WDR73: variants seen among roughly 807,000 people sequenced by gnomAD.
WDR73 encodes WD repeat domain 73.
WDR73 carries 30 observed loss-of-function variants against 38.2 expected under a neutral mutation model. The observed-to-expected ratio is 0.79, with a 90% CI of 0.59 to 1.06. The LOEUF (loss-of-function observed/expected upper bound fraction) is 1.06, where lower values mean the gene tolerates loss of function less well. Ranked by LOEUF, WDR73 falls within the 50% of genes least tolerant of loss-of-function variation. WDR73 has a pLI of 0.00. For synonymous variants in WDR73, 197 were observed against 176.0 expected, an observed-to-expected ratio of 1.12 and a Z score of -0.94; for missense variants, 487 against 467.0, an observed-to-expected ratio of 1.04 and a Z score of -0.40.
intron 5 of WDR73, chr15:84,647,504 T>A (rs1028634076): frequency 1.3e-4 from 24 of 186,860 alleles, no homozygotes; most frequent in Admixed American, 5.6e-4. Context: ...TACTACTACT[T>A]TTTTTTTTGG....
At position 84,643,435 on chromosome 15, in the gene WDR73, C is replaced by T; in HGVS notation, c.*35G>A. Reference sequence around the variant, plus strand: ...ACCCTTGCTACTACAGCAGCTCCTCCCCTTTCTAGAGGCCTAGATGGAAAG... The same window carrying T: ...ACCCTTGCTACTACAGCAGCTCCTCTCCTTTCTAGAGGCCTAGATGGAAAG... On this transcript the variant is annotated 3_prime_UTR_variant, in exon 8 of 8. Coordinates refer to ENST00000434634, the MANE Select transcript of WDR73 (RefSeq NM_032856.5). The T allele has an allele frequency of 1.3e-6, 2 of 1,546,994 alleles. No individual in the cohort carries two copies. The highest frequency in any genetic ancestry group is 2.2e-4 in the Middle Eastern group (1 of 4,582).
At position 84,643,637 on chromosome 15, in the gene WDR73, G is replaced by C. The variant is rs761679737; in HGVS notation, c.970C>G (p.Leu324Val). The C allele has an allele frequency of 2.5e-6, 4 of 1,612,708 alleles. No homozygotes were observed. The African/African-American group carries it at 4.0e-5, about 16-fold the overall frequency. Residue 324 changes from leucine to valine, a missense_variant, in exon 8 of 8, where the codon CTC becomes GTC. Physicochemically the swap from Leu to Val is conservative, Grantham distance 32. Transcript: ENST00000434634. ...QDGTRSQVEPLFTHRGHIFLD... is the reference protein window; with the variant it reads ...QDGTRSQVEPVFTHRGHIFLD... ...AAGATGTGACCTCTGTGAGTGAAGA[G>C]AGGTTCTACTTGGCTCCGTGTTCCA...
chr15:84,648,506 G>T, intron 4 of WDR73, 31 bp downstream of exon 4: 4 of 1,513,442 alleles, frequency 2.6e-6, no homozygotes, highest in Non-Finnish European at 3.7e-6. Flanking sequence ...CCCATCCTGT[G>T]TGGATGGCTG....
intron 3 of WDR73, among the ~76,000 whole-genome samples, 179 bp downstream of exon 3, chr15:84,652,535 G>C (rs997252607): frequency 2.0e-5 from 3 of 152,158 alleles, no homozygotes; most frequent in Admixed American, 6.5e-5. Flanking sequence ...TAAACCACGA[G>C]ACATTCTACA....
Position 84,648,644 on chromosome 15 carries a change from G to A in WDR73, c.199-19C>T. On this transcript the variant is annotated intron_variant, in intron 3 of 7. Coordinates refer to ENST00000434634, the MANE Select transcript of WDR73 (RefSeq NM_032856.5). Reference sequence around the variant, plus strand: ...ATAAGCCCTAAAATACAAAGGAGTAGCCAATCAGAGCCAGCTCTTCAAATG... The same window carrying A: ...ATAAGCCCTAAAATACAAAGGAGTAACCAATCAGAGCCAGCTCTTCAAATG... 6.4e-7 allele frequency: 1 copy of A among 1,552,760 alleles called. No homozygotes were observed. The highest frequency in any genetic ancestry group is 1.1e-5 in the South Asian group (1 of 89,754).
Position 84,646,223 on chromosome 15 carries a change from C to T in WDR73, c.478G>A (p.Val160Ile). ...LHGARLRSLQ[V>I]VDLESRKTTY... is the part of the protein sequence containing the mutation. ...GTCTTCCGGGACTCCAGATCAACGA[C>T]CTGCAGACTTCGGAGCCTCGCCCCA... Residue 160 changes from valine (V) to isoleucine (I), a missense_variant, in exon 6 of 8, where the codon GTC becomes ATC. Transcript: ENST00000434634. 6.2e-7 allele frequency: 1 copy of T among 1,613,854 alleles called. No homozygotes were observed. Among genetic ancestry groups the T allele is most frequent in the Non-Finnish European group, 8.5e-7 (1 of 1,179,892 alleles).
At position 84,647,935 on chromosome 15, in the gene WDR73, G is replaced by A; in HGVS notation, c.307C>T (p.Leu103Phe). ...CACACCTGCAGATAACAACCTGGAA[G>A]GCCACTGGTAACCAGCAATCTATTC... Reference protein sequence around the residue: ...PHTRLLVTSGLPGCYLQVWQV... With the variant: ...PHTRLLVTSGFPGCYLQVWQV... Residue 103 changes from leucine to phenylalanine, a missense_variant, in exon 5 of 8, where the codon CTT (leucine) becomes TTT (phenylalanine). Transcript: ENST00000434634. 2.5e-6 allele frequency: 4 copies of A among 1,614,018 alleles called. No homozygotes were observed. Among genetic ancestry groups the A allele is most frequent in the Non-Finnish European group, 3.4e-6 (4 of 1,179,894 alleles).
intron 5 of WDR73, 87 bp downstream of exon 5, chr15:84,647,803 C>T: frequency 7.4e-7 from 1 of 1,351,948 alleles, no homozygotes; most frequent in Non-Finnish European, 1.1e-6. Context: ...CCTGAGTCTC[C>T]TTCTTAACTG....
chr15:84,642,345 C>CA lies in WDR73; in HGVS notation c.*1124dup, dbSNP rs201991585. The stretch of plus-strand genomic sequence containing the variant: ...ACAGAGCAAGACTCCATCTCTACTA[C>CA]AAAAAAAAAAAAAAAAAAAATTCAA... On this transcript the variant is annotated 3_prime_UTR_variant, in exon 8 of 8. Coordinates refer to ENST00000434634, the MANE Select transcript of WDR73 (RefSeq NM_032856.5). 5,057 of 119,692 alleles carry CA rather than the reference C, an allele frequency of 0.042. 118 individuals carry two copies. Among genetic ancestry groups the CA allele is most frequent in the Middle Eastern group, 0.11 (22 of 198 alleles). 7.4% of individuals were successfully genotyped at this position (119,692 alleles called of 1,614,324 possible).
At chr15:84,653,358 C>T (rs563049499) in intron 2 of WDR73, 5 of 354,992 alleles carry the variant, frequency 1.4e-5, no homozygotes, top group South Asian at 2.7e-5. Flanking sequence ...TCAGTAGAGA[C>T]GGGGTTTCAC....
rs375792926 is a variant in WDR73 at position 84,641,603 on chromosome 15, TC to T, written c.*1866del. ...ATCTCGGTTCACTGCAGCCTCTACCTCTCAGGTTCAAGCAATTCTCCTGCCT... is the reference window on the plus strand; with the variant it reads ...ATCTCGGTTCACTGCAGCCTCTACCTTCAGGTTCAAGCAATTCTCCTGCCT... On this transcript the variant is annotated 3_prime_UTR_variant, in exon 8 of 8. Transcript: ENST00000434634. 5 of 152,318 alleles carry T rather than the reference TC, an allele frequency of 3.3e-5. No homozygotes were observed. Among genetic ancestry groups the T allele is most frequent in the African/African-American group, 1.2e-4 (5 of 41,564 alleles). The allele number at this position is 152,318 out of a possible 1,614,324, so 9.4% of individuals were successfully genotyped here. A position where few individuals can be genotyped will look rare whatever the true frequency, so the allele number is the denominator to read the frequency against.
chr15:84,646,080 C>T, intron 6 of WDR73, 104 bp downstream of exon 6: 1 of 1,572,020 alleles, frequency 6.4e-7, no homozygotes, highest in Non-Finnish European at 8.6e-7. Flanking sequence ...TGTGTATCCC[C>T]AACACCTGGC....
intron 6 of WDR73, 168 bp downstream of exon 6, chr15:84,646,016 T>C (rs1278394676): frequency 1.3e-6 from 2 of 1,542,114 alleles, no homozygotes; most frequent in Non-Finnish European, 1.7e-6. Context: ...TGGGACTGCC[T>C]AATCCTGCCC....
intron 5 of WDR73, 62 bp downstream of exon 5, chr15:84,647,828 A>G (rs1029172414): frequency 1.3e-6 from 2 of 1,506,362 alleles, no homozygotes; most frequent in Non-Finnish European, 1.8e-6. Flanking sequence ...AGATTAGGGG[A>G]CAGGGGTGTA....
chr15:84,640,954 AATT>A lies in WDR73; in HGVS notation c.*2513_*2515del, dbSNP rs1367528898. ...TAGTTTTCATTATCATCATCATTAT[AATT>A]ATTATGAAAATAGATAAGGGCATTA... On this transcript the variant is annotated 3_prime_UTR_variant, in exon 8 of 8. Transcript: ENST00000434634. 6.6e-6 allele frequency: 1 copy of A among 152,142 alleles called. No individual in the cohort carries two copies. Among genetic ancestry groups the A allele is most frequent in the African/African-American group, 2.4e-5 (1 of 41,400 alleles). 9.4% of individuals were successfully genotyped at this position (152,142 alleles called of 1,614,324 possible). A position where few individuals can be genotyped will look rare whatever the true frequency, so the allele number is the denominator to read the frequency against.
At chr15:84,648,763 G>A in intron 3 of WDR73, 138 bp from the exon 4 acceptor site, 1 of 675,842 alleles carries the variant, frequency 1.5e-6, no homozygotes, top group South Asian at 1.7e-5. Context: ...TTGGTGTCCT[G>A]GTATTTGGCA....
rs758466441 is a variant in WDR73, at chr15:84,646,227, C to T, written c.474G>A (p.Leu158=). 8.1e-6 allele frequency: 13 copies of T among 1,613,780 alleles called. No homozygotes were observed. The highest frequency in any genetic ancestry group is 2.7e-5 in the African/African-American group (2 of 74,924). The change falls in exon 6 of 8, where the codon CTG becomes CTA. Residue 158 remains leucine (L), a synonymous_variant. Coordinates refer to ENST00000434634, the MANE Select transcript of WDR73 (RefSeq NM_032856.5). ...GVLHGARLRS[L]QVVDLESRKT... ...TCCGGGACTCCAGATCAACGACCTG[C>T]AGACTTCGGAGCCTCGCCCCATGGA...
chr15:84,645,534 G>A lies in WDR73; in HGVS notation c.820C>T (p.Pro274Ser), dbSNP rs1394783259. The change falls in exon 7 of 8, where the codon CCT becomes TCT. Residue 274 changes from proline to serine, a missense_variant. Pro to Ser is a moderately conservative substitution (Grantham distance 74, BLOSUM62 -1). Coordinates refer to ENST00000434634, the MANE Select transcript of WDR73 (RefSeq NM_032856.5). ...SVQCPVSVPS[P>S]DPELLRVTWA... ...GTCACTCGCAGCAGCTCTGGGTCAG[G>A]GCTAGGTACGGATACTGGGCACTGG... The A allele has an allele frequency of 1.2e-6, 2 of 1,612,082 alleles. No homozygotes were observed. Among genetic ancestry groups the A allele is most frequent in the East Asian group, 2.2e-5 (1 of 44,830 alleles).
chr15:84,645,212 T>C (rs1896408312), intron 7 of WDR73: 2 of 1,358,998 alleles, frequency 1.5e-6, no homozygotes, highest in Non-Finnish European at 1.9e-6. Flanking sequence ...AGTGTCTTAC[T>C]GTCTGCAGGC....
Sources: allele counts gnomAD v4.1 joint callset (sites outside exome capture counted in the v4.1 genomes callset), GRCh38; gene constraint gnomAD v4.1.1; transcripts MANE v1.5; gene names NCBI Gene and HGNC (gene_info 2026-07-23, HGNC 2026-07-21).